Variants in ATE1 observed in about 807,000 individuals in gnomAD.
ATE1 encodes the protein arginyl-tRNA--protein transferase 1.
ATE1 carries 36 observed loss-of-function variants against 70.5 expected under a neutral mutation model. The ratio of observed to expected loss-of-function variants is 0.51; its 90% CI spans 0.39 to 0.67. The LOEUF (loss-of-function observed/expected upper bound fraction) is 0.67, where lower values mean the gene tolerates loss of function less well. ATE1 is among the 30% of genes least tolerant of loss of function. ATE1 has a pLI of 0.00. For synonymous variants in ATE1, 232 were observed against 219.3 expected, an observed-to-expected ratio of 1.06 and a Z score of -0.51; for missense variants, 593 against 629.5, an observed-to-expected ratio of 0.94 and a Z score of 0.62.
chr10:121,768,121 A>C (rs1945351240), intron 11 of ATE1, among the ~76,000 whole-genome samples: 3 of 152,222 alleles, frequency 2.0e-5, no homozygotes, highest in Admixed American at 2.0e-4. Context: ...GACACCACTA[A>C]TTTTTGGTAC....
At chr10:121,822,987 C>A (rs1282253393) in intron 10 of ATE1, among the ~76,000 whole-genome samples, 1 of 152,056 alleles carries the variant, frequency 6.6e-6, no homozygotes, top group Non-Finnish European at 1.5e-5. Context: ...ACAGATAAAG[C>A]ACTTAAAAAT....
intron 10 of ATE1, among the ~76,000 whole-genome samples, chr10:121,798,830 TG>T (rs1304886084): frequency 1.3e-5 from 2 of 149,340 alleles, no homozygotes; most frequent in African/African-American, 5.0e-5. Flanking sequence ...ACCCAGAAGG[TG>T]GAGTTTGTAG....
intron 10 of ATE1, among the ~76,000 whole-genome samples, chr10:121,830,744 C>T (rs1178892100): frequency 6.6e-6 from 1 of 152,042 alleles, no homozygotes; most frequent in Non-Finnish European, 1.5e-5. Flanking sequence ...AAATATGATG[C>T]CAGGAAAATG....
chr10:121,795,003 C>T (rs1291162650), intron 10 of ATE1, among the ~76,000 whole-genome samples: 1 of 152,096 alleles, frequency 6.6e-6, no homozygotes, highest in Non-Finnish European at 1.5e-5. Context: ...ATCCCAGTAC[C>T]GTGGGAGGCC....
chr10:121,902,600 T>C lies in ATE1; in HGVS notation c.604A>G (p.Lys202Glu). 6.2e-7 allele frequency: 1 copy of C among 1,611,948 alleles called. No homozygotes were observed. The highest frequency in any genetic ancestry group is 2.2e-5 in the East Asian group (1 of 44,850). The change falls in exon 6 of 12, where the codon AAG (lysine) becomes GAG (glutamate). Residue 202 changes from lysine to glutamate, a missense_variant. Physicochemically the swap from Lys to Glu is moderately conservative, Grantham distance 56 (BLOSUM62 1). Coordinates refer to ENST00000224652, the MANE Select transcript of ATE1 (RefSeq NM_001001976.3). ...TCCTTTGCTTTTCGACATGGAGGCT[T>C]ACTCAAATCAGCCCCTTTGCCTAAA... ...PKPGKGADLSKPPCRKAKEIR... is the reference protein window; with the variant it reads ...PKPGKGADLSEPPCRKAKEIR...
intron 11 of ATE1, among the ~76,000 whole-genome samples, chr10:121,748,280 T>C (rs1323652228): frequency 1.3e-5 from 2 of 152,196 alleles, no homozygotes; most frequent in Non-Finnish European, 2.9e-5. Context: ...CTTTAATTTT[T>C]ACTCTTTTCC....
chr10:121,829,387 G>A (rs943864703), intron 10 of ATE1, among the ~76,000 whole-genome samples: 1 of 151,502 alleles, frequency 6.6e-6, no homozygotes, highest in African/African-American at 2.4e-5. Flanking sequence ...TCGTGCCACT[G>A]CACTCCAGCC....
At chr10:121,759,803 G>C (rs1014608368) in intron 11 of ATE1, among the ~76,000 whole-genome samples, 5 of 151,736 alleles carry the variant, frequency 3.3e-5, no homozygotes, top group Admixed American at 2.0e-4. Flanking sequence ...TGAAGATCTA[G>C]CCAAGATCAT....
At chr10:121,890,375 T>C (rs1950540594) in intron 7 of ATE1, among the ~76,000 whole-genome samples, 1 of 152,174 alleles carries the variant, frequency 6.6e-6, no homozygotes, top group South Asian at 2.1e-4. Flanking sequence ...ACATGTATGC[T>C]AAAGAATTTA....
At chr10:121,858,894 G>A (rs969522955) in intron 8 of ATE1, among the ~76,000 whole-genome samples, 5 of 151,712 alleles carry the variant, frequency 3.3e-5, no homozygotes, top group African/African-American at 1.2e-4. Flanking sequence ...TCGGGAGTTC[G>A]AGACCAGCCT....
intron 1 of ATE1, chr10:121,926,818 T>C: frequency 1.2e-5 from 12 of 985,456 alleles, no homozygotes; most frequent in Non-Finnish European, 1.4e-5. Flanking sequence ...TCCTGTTGAT[T>C]TTCTCCGTTT....
intron 10 of ATE1, among the ~76,000 whole-genome samples, chr10:121,793,173 T>C (rs1946523110): frequency 6.6e-6 from 1 of 152,196 alleles, no homozygotes; most frequent in Non-Finnish European, 1.5e-5. Context: ...TGTTCAACGT[T>C]GTCAGTTACC....
At chr10:121,787,917 G>A (rs2133248096) in intron 11 of ATE1, among the ~76,000 whole-genome samples, 1 of 152,190 alleles carries the variant, frequency 6.6e-6, no homozygotes, top group Middle Eastern at 3.4e-3. Flanking sequence ...TATTATGTAA[G>A]AAGAAATGCA....
At chr10:121,805,839 A>G (rs1363249593) in intron 10 of ATE1, among the ~76,000 whole-genome samples, 1 of 152,230 alleles carries the variant, frequency 6.6e-6, no homozygotes, top group Non-Finnish European at 1.5e-5. Context: ...CCCGCAGACC[A>G]CTATATGACT....
intron 8 of ATE1, among the ~76,000 whole-genome samples, chr10:121,852,022 C>G (rs899864235): frequency 1.3e-5 from 2 of 152,246 alleles, no homozygotes; most frequent in African/African-American, 4.8e-5. Context: ...GTAGACCTGT[C>G]TCTTTACCCA....
chr10:121,855,196 CTT>C (rs1054454455), intron 8 of ATE1, among the ~76,000 whole-genome samples: 4 of 152,188 alleles, frequency 2.6e-5, no homozygotes, highest in African/African-American at 9.7e-5. Flanking sequence ...ACTTATTAAA[CTT>C]TTGCTCCAAT....
chr10:121,762,209 A>T (rs901999661), intron 11 of ATE1, among the ~76,000 whole-genome samples: 6 of 152,146 alleles, frequency 3.9e-5, no homozygotes, highest in African/African-American at 1.4e-4. Flanking sequence ...CTCTTGCCCC[A>T]GGGCAATCCT....
At chr10:121,863,812 T>A (rs1949564403) in intron 8 of ATE1, among the ~76,000 whole-genome samples, 1 of 152,056 alleles carries the variant, frequency 6.6e-6, no homozygotes, top group African/African-American at 2.4e-5. Context: ...GGGGTTCTCA[T>A]TATGTTGCCC....
chr10:121,846,985 C>CTATCTAACA (rs1326386349), intron 8 of ATE1, among the ~76,000 whole-genome samples: 22 of 152,148 alleles, frequency 1.4e-4, no homozygotes, highest in Non-Finnish European at 2.4e-4. Context: ...CACCAATATT[C>CTATCTAACA]TGTCTAACAT....
Sources: allele counts gnomAD v4.1 joint callset (sites outside exome capture counted in the v4.1 genomes callset), GRCh38; gene constraint gnomAD v4.1.1; transcripts MANE v1.5; gene names NCBI Gene and HGNC (gene_info 2026-07-23, HGNC 2026-07-21).